The following CD200 variants were observed in gnomAD, a reference collection of about 807,000 sequenced individuals.
CD200 encodes the protein OX-2 membrane glycoprotein.
In CD200, 15 loss-of-function variants were observed where a neutral mutation model predicts 30.9. That is an observed-to-expected ratio of 0.49 (90% CI 0.32 to 0.75). The LOEUF is 0.75. Among genes scored for constraint, CD200 ranks in the 30% least tolerant of loss-of-function variants. The pLI is 0.03. For missense variants in CD200, 262 were observed against 324.2 expected (o/e 0.81, Z 1.47); for synonymous variants, 134 against 126.2 (o/e 1.06, Z -0.41).
rs142191920 is a variant in CD200, at chr3:112,352,629, T to C, written c.802+2810T>C. ...AATAAGTTTTTGAATTTATTGAGTGTGAGCAGACAAAGAATTATCTTCATG... is the reference window on the plus strand; with the variant it reads ...AATAAGTTTTTGAATTTATTGAGTGCGAGCAGACAAAGAATTATCTTCATG... On this transcript the variant is annotated intron_variant, in intron 5 of 5. Coordinates refer to ENST00000315711, the MANE Select transcript of CD200 (RefSeq NM_005944.7). 4.3e-3 allele frequency among the ~76,000 whole-genome samples: 649 copies of C among 152,262 alleles called. 1 individual carries two copies. Among genetic ancestry groups the C allele is most frequent in the African/African-American group, 0.015 (603 of 41,542 alleles).
intron 5 of CD200, among the ~76,000 whole-genome samples, chr3:112,356,862 C>T (rs2081632534): frequency 6.6e-6 from 1 of 152,230 alleles, no homozygotes; most frequent in Non-Finnish European, 1.5e-5. Flanking sequence ...CATTTAACTT[C>T]CCTGTGCCTC....
chr3:112,334,239 T>C (rs1460782315), intron 1 of CD200: 1 of 980,906 alleles, frequency 1.0e-6, no homozygotes, highest in Non-Finnish European at 1.2e-6. Flanking sequence ...GATTTGGACA[T>C]AGAAACTTGC....
At chr3:112,342,842 T>G (rs1249844655) in intron 2 of CD200, among the ~76,000 whole-genome samples, 1 of 152,236 alleles carries the variant, frequency 6.6e-6, no homozygotes, top group Non-Finnish European at 1.5e-5. Flanking sequence ...AGTATGTAAA[T>G]TTCTAATTTT....
chr3:112,352,903 G>A (rs1341694557), intron 5 of CD200, among the ~76,000 whole-genome samples: 3 of 152,142 alleles, frequency 2.0e-5, no homozygotes, highest in African/African-American at 2.4e-5. Context: ...TTCCAACTGC[G>A]AAGTAGCACA....
intron 1 of CD200, chr3:112,335,796 T>A (rs1046424892): frequency 4.3e-6 from 3 of 696,780 alleles, no homozygotes; most frequent in Non-Finnish European, 7.8e-6. Context: ...AGCAGGCCAG[T>A]CTCTAACATG....
chr3:112,333,156 A>G lies in CD200; in HGVS notation c.-57A>G, dbSNP rs1261710882. On this transcript the variant is annotated 5_prime_UTR_variant, in exon 1 of 6. Coordinates refer to ENST00000315711, the MANE Select transcript of CD200 (RefSeq NM_005944.7). ...GTGACGCTCCTCCCGCCTGCCTAGC[A>G]GAGCTCCAGGCGCACATCCGCAGTC... The G allele has an allele frequency of 1.9e-6, 3 of 1,547,418 alleles. No individual in the cohort carries two copies. In the East Asian group the frequency reaches 7.3e-5, roughly 38 times the overall value.
chr3:112,334,659 T>C (rs991599175), intron 1 of CD200, among the ~76,000 whole-genome samples: 1 of 152,336 alleles, frequency 6.6e-6, no homozygotes, highest in African/African-American at 2.4e-5. Context: ...ATCTAGTATT[T>C]GTTTTAGCCC....
rs200310532 is a variant in CD200 at position 112,360,333 on chromosome 3, A to T, written c.803-1210A>T. ...ACACAGTGAGACTTCATCTAAAAAA[A>T]ATATATATATATATGTATATATTTT... On this transcript the variant is annotated intron_variant, in intron 5 of 5. Transcript: ENST00000315711. 1.4e-3 allele frequency among the ~76,000 whole-genome samples: 194 copies of T among 141,284 alleles called. 1 individual carries two copies. Among genetic ancestry groups the T allele is most frequent in the African/African-American group, 2.0e-3 (81 of 39,516 alleles). 92.7% of individuals were successfully genotyped at this position (141,284 alleles called of 152,430 possible). A position where few individuals can be genotyped will look rare whatever the true frequency, so the allele number is the denominator to read the frequency against.
In CD200 at chr3:112,349,711, G is replaced by C. The variant is rs1487915074; in HGVS notation, c.695-1G>C. 1 of 1,610,220 alleles carries C rather than the reference G, an allele frequency of 6.2e-7. No individual in the cohort carries two copies. The highest frequency in any genetic ancestry group is 2.2e-5 in the East Asian group (1 of 44,750). On this transcript the variant is annotated splice_acceptor_variant, in intron 4 of 5. Coordinates refer to ENST00000315711, the MANE Select transcript of CD200 (RefSeq NM_005944.7). LOFTEE classifies it high-confidence loss of function. ...CCTTTTTCTTTCTTCAATATCTATA[G>C]GCTATTGGTTTTCAGTTCCGCTATT... is the stretch of plus-strand genomic sequence containing the variant.
intron 1 of CD200, among the ~76,000 whole-genome samples, chr3:112,338,573 G>C (rs1002726021): frequency 6.6e-6 from 1 of 152,192 alleles, no homozygotes; most frequent in Non-Finnish European, 1.5e-5. Flanking sequence ...GCTGCAGGTA[G>C]TGACAGATGG....
intron 5 of CD200, among the ~76,000 whole-genome samples, chr3:112,352,013 C>G (rs997513499): frequency 6.6e-6 from 1 of 152,178 alleles, no homozygotes; most frequent in Non-Finnish European, 1.5e-5. Context: ...CCCTTAAACA[C>G]CTCCCATTAA....
chr3:112,353,875 T>A (rs578122096), intron 5 of CD200, among the ~76,000 whole-genome samples: 152 of 152,274 alleles, frequency 1.0e-3, no homozygotes, highest in African/African-American at 3.5e-3. Context: ...CCCACCCCAG[T>A]ATCCTCATAG....
At chr3:112,354,632 A>G (rs1488370957) in intron 5 of CD200, among the ~76,000 whole-genome samples, 2 of 152,194 alleles carry the variant, frequency 1.3e-5, no homozygotes, top group Non-Finnish European at 2.9e-5. Context: ...AGAGGGGGAA[A>G]CATCATAAAT....
chr3:112,341,264 T>A (rs1396125263), intron 2 of CD200, among the ~76,000 whole-genome samples: 1 of 152,238 alleles, frequency 6.6e-6, no homozygotes, highest in East Asian at 1.9e-4. Context: ...ACTTACTGAA[T>A]TGAATTACAA....
chr3:112,337,637 G>T (rs1448583770), intron 1 of CD200, among the ~76,000 whole-genome samples: 1 of 152,188 alleles, frequency 6.6e-6, no homozygotes, highest in Non-Finnish European at 1.5e-5. Flanking sequence ...ACATAAGCTG[G>T]ATAGTAAACT....
chr3:112,361,113 T>G (rs538415203), intron 5 of CD200, among the ~76,000 whole-genome samples: 1 of 152,292 alleles, frequency 6.6e-6, no homozygotes, highest in East Asian at 1.9e-4. Context: ...CATAGCTCAC[T>G]GCAGCCCCAA....
chr3:112,358,663 G>C (rs2081675526), intron 5 of CD200, among the ~76,000 whole-genome samples: 1 of 152,192 alleles, frequency 6.6e-6, no homozygotes, highest in Non-Finnish European at 1.5e-5. Context: ...ATGTCAGGAA[G>C]AGCGGCTACC....
chr3:112,352,442 A>G (rs1269645163), intron 5 of CD200, among the ~76,000 whole-genome samples: 1 of 152,144 alleles, frequency 6.6e-6, no homozygotes, highest in Non-Finnish European at 1.5e-5. Flanking sequence ...CCAAATGAGC[A>G]GGAAAACACG....
At chr3:112,349,016 T>C (rs977616065) in intron 4 of CD200, among the ~76,000 whole-genome samples, 1 of 152,182 alleles carries the variant, frequency 6.6e-6, no homozygotes, top group Non-Finnish European at 1.5e-5. Flanking sequence ...ACTGGACCTA[T>C]AGAAATCAAA....
Sources: allele counts gnomAD v4.1 joint callset (sites outside exome capture counted in the v4.1 genomes callset), GRCh38; gene constraint gnomAD v4.1.1; transcripts MANE v1.5; gene names NCBI Gene and HGNC (gene_info 2026-07-23, HGNC 2026-07-21).